Variants in EPHB4 observed in about 807,000 individuals in gnomAD.
The protein encoded by EPHB4 is ephrin type-B receptor 4.
Under a neutral mutation model 110.6 loss-of-function variants are expected in EPHB4, and 50 were observed. The ratio of observed to expected loss-of-function variants is 0.45; its 90% CI spans 0.36 to 0.57. The LOEUF (loss-of-function observed/expected upper bound fraction) is 0.57, where lower values mean the gene tolerates loss of function less well. Ranked by LOEUF, EPHB4 falls within the 20% of genes least tolerant of loss-of-function variation. The pLI is 0.00. For synonymous variants in EPHB4, 592 were observed against 578.4 expected (o/e 1.02, Z -0.34); for missense variants, 1,128 against 1,382.1 (o/e 0.82, Z 2.91).
chr7:100,826,343 C>G (rs1258095096), intron 1 of EPHB4, among the ~76,000 whole-genome samples: 1 of 152,136 alleles, frequency 6.6e-6, no homozygotes, highest in East Asian at 1.9e-4. Context: ...GCCCGGGACT[C>G]ACCTGGGGCC....
chr7:100,820,355 G>A, intron 4 of EPHB4, 59 bp from the exon 5 acceptor site: 1 of 1,554,350 alleles, frequency 6.4e-7, no homozygotes, highest in Non-Finnish European at 8.7e-7. Flanking sequence ...TGCACGGTGG[G>A]CTCGGTGGCT....
At chr7:100,815,588 G>C (rs1813047896) in intron 8 of EPHB4, among the ~76,000 whole-genome samples, 1 of 152,130 alleles carries the variant, frequency 6.6e-6, no homozygotes, top group Non-Finnish European at 1.5e-5. Flanking sequence ...ACAATTCTGT[G>C]AATGTATCAA....
chr7:100,809,534 CTTTT>C (rs1239776109), intron 12 of EPHB4, among the ~76,000 whole-genome samples: 2 of 152,002 alleles, frequency 1.3e-5, no homozygotes, highest in African/African-American at 4.8e-5. Context: ...ATCTCTCTCT[CTTTT>C]TAAGAGATGG....
rs1401261681 is a variant in EPHB4 at position 100,820,163 on chromosome 7, G to C, written c.942C>G (p.Asp314Glu). ...TACTGGTGCAGGGTGCACCCCGGGG[G>C]TCTGTGCGTGCCCGGAAGTACCCGA... is the stretch of plus-strand genomic sequence containing the variant. ...CRVGYFRART[D>E]PRGAPCTTPP... The change falls in exon 5 of 17, where the codon GAC (aspartate) becomes GAG (glutamate). Residue 314 changes from aspartate to glutamate, a missense_variant. Asp to Glu is a conservative substitution (Grantham distance 45, BLOSUM62 2). Around this residue, in one of 3 missense-constraint regions of EPHB4, gnomAD observed 728 missense variants for 828.6 expected, o/e 0.88. Coordinates refer to ENST00000358173, the MANE Select transcript of EPHB4 (RefSeq NM_004444.5). 6.2e-7 allele frequency: 1 copy of C among 1,614,002 alleles called. No homozygotes were observed. Among genetic ancestry groups the C allele is most frequent in the Admixed American group, 1.7e-5 (1 of 60,022 alleles).
At chr7:100,824,126 C>G (rs532436798) in intron 2 of EPHB4, 77 bp downstream of exon 2, 31 of 1,597,912 alleles carry the variant, frequency 1.9e-5, no homozygotes, top group Non-Finnish European at 2.6e-5. Context: ...GAGTGGCACA[C>G]AGAAAGCAGG....
chr7:100,821,614 CAA>C (rs1813234987), intron 4 of EPHB4, among the ~76,000 whole-genome samples: 1 of 147,916 alleles, frequency 6.8e-6, no homozygotes. Flanking sequence ...GGCGACAGAG[CAA>C]GACTCTGTCT....
intron 4 of EPHB4, 128 bp from the exon 5 acceptor site, chr7:100,820,424 G>T: frequency 8.6e-7 from 1 of 1,157,908 alleles, no homozygotes. Flanking sequence ...TGAGCCAAGG[G>T]GTTCAAGACC....
At position 100,813,081 on chromosome 7, in the gene EPHB4, C is replaced by G; in HGVS notation, c.1870+14G>C. 1 of 1,613,360 alleles carries G rather than the reference C, an allele frequency of 6.2e-7. No individual in the cohort carries two copies. Among genetic ancestry groups the G allele is most frequent in the East Asian group, 2.2e-5 (1 of 44,864 alleles). On this transcript the variant is annotated intron_variant, in intron 11 of 16. Transcript: ENST00000358173. ...GCTTCGTTCCCAGGTGCCCGGGCAG[C>G]CTTCGGCTCTCACCTGCACCAATCA...
At position 100,807,490 on chromosome 7, in the gene EPHB4, C is replaced by T; in HGVS notation, c.2209G>A (p.Val737Ile). Residue 737 changes from valine to isoleucine, a missense_variant, in exon 13 of 17, where the codon GTC becomes ATC. Around this residue, in one of 3 missense-constraint regions of EPHB4, gnomAD observed 191 missense variants for 313.0 expected, o/e 0.61. Transcript: ENST00000358173. Reference sequence around the variant, plus strand: ...TTGCGAGCAGCCAGGTCTCGGTGGACGTAGCTCATCTCGGCAAGGTACCGC... The same window carrying T: ...TTGCGAGCAGCCAGGTCTCGGTGGATGTAGCTCATCTCGGCAAGGTACCGC... ...GMRYLAEMSY[V>I]HRDLAARNIL... 1 of 1,614,048 alleles carries T rather than the reference C, an allele frequency of 6.2e-7. No homozygotes were observed. The highest frequency in any genetic ancestry group is 1.1e-5 in the South Asian group (1 of 91,062).
In EPHB4 at chr7:100,813,663, A is replaced by G. The variant is rs1813000218; in HGVS notation, c.1745T>C (p.Leu582Pro). 6.2e-7 allele frequency: 1 copy of G among 1,614,056 alleles called. No homozygotes were observed. The highest frequency in any genetic ancestry group is 8.5e-7 in the Non-Finnish European group (1 of 1,180,014). Residue 582 changes from leucine to proline, a missense_variant, in exon 10 of 17, where the codon CTC becomes CCC. This residue lies in a region of EPHB4 where 728 missense variants were observed against 828.6 expected (regional missense o/e 0.88). Coordinates refer to ENST00000358173, the MANE Select transcript of EPHB4 (RefSeq NM_004444.5). ...AEYSDKHGQYLIGHGTKVYID... is the reference protein window; with the variant it reads ...AEYSDKHGQYPIGHGTKVYID... The stretch of plus-strand genomic sequence containing the variant: ...TTAGGGCAACCCACCATGTCCGATG[A>G]GATACTGTCCGTGTTTGTCCGAATA...
In EPHB4 at chr7:100,819,597, G is replaced by A. The variant is rs369885905; in HGVS notation, c.1257C>T (p.Pro419=). The A allele has an allele frequency of 2.0e-4, 323 of 1,590,120 alleles. No individual in the cohort carries two copies. The highest frequency in any genetic ancestry group is 1.3e-3 in the Middle Eastern group (8 of 5,970). ...TGACATTGACAGGCTCAAATGGGACGGGCCCCGTGGCTAAGGAGGATACCC... is the reference window on the plus strand; with the variant it reads ...TGACATTGACAGGCTCAAATGGGACAGGCCCCGTGGCTAAGGAGGATACCC... The part of the protein sequence containing the change: ...LNGVSSLATG[P]VPFEPVNVTT... The change falls in exon 6 of 17, where the codon CCC becomes CCT. Residue 419 remains proline, a synonymous_variant. Transcript: ENST00000358173.
chr7:100,823,677 G>A lies in EPHB4; in HGVS notation c.378C>T (p.Leu126=), dbSNP rs145080354. The change falls in exon 3 of 17, where the codon CTC becomes CTT. Residue 126 remains leucine, a synonymous_variant. Transcript: ENST00000358173. ...YESDADTATA[L]TPAWMENPYI... is the part of the protein sequence containing the mutation. The stretch of plus-strand genomic sequence containing the variant: ...AGGGGTTCTCCATCCAGGCTGGCGT[G>A]AGGGCCGTGGCCGTGTCCGCATCGC... 467 of 1,613,226 alleles carry A rather than the reference G, an allele frequency of 2.9e-4. 1 individual carries two copies. The highest frequency in any genetic ancestry group is 3.7e-4 in the Non-Finnish European group (439 of 1,179,906).
At chr7:100,821,652 AGAGACGGGGTCTT>A (rs1271229034) in intron 4 of EPHB4, among the ~76,000 whole-genome samples, 2 of 149,870 alleles carry the variant, frequency 1.3e-5, no homozygotes, top group Non-Finnish European at 3.0e-5. Flanking sequence ...AATTTTTTTT[AGAGACGGGGTCTT>A]GCTCTGTCAC....
In EPHB4 at chr7:100,817,351, CG is replaced by C. The variant is rs1562970951; in HGVS notation, c.1428del (p.Glu477ArgfsTer9). ...AGGAACCGCACGCTGCTGGGACCCT[CG>C]GCGCCCTGTCCGGGAGAGGTAGTGG... ...DYEVKYHEKG[A>X]EGPSSVRFLK... On this transcript the variant is annotated frameshift_variant, in exon 8 of 17. Coordinates refer to ENST00000358173, the MANE Select transcript of EPHB4 (RefSeq NM_004444.5). LOFTEE classifies it high-confidence loss of function. 6.4e-7 allele frequency: 1 copy of C among 1,568,362 alleles called. No homozygotes were observed.
chr7:100,820,483 T>G, intron 4 of EPHB4, 187 bp from the exon 5 acceptor site: 3 of 452,346 alleles, frequency 6.6e-6, no homozygotes, highest in South Asian at 4.3e-5. Flanking sequence ...AAAAAAAAAA[T>G]TCCAGCTTCT....
chr7:100,810,521 C>T (rs768275181), intron 12 of EPHB4, among the ~76,000 whole-genome samples: 23 of 151,858 alleles, frequency 1.5e-4, no homozygotes, highest in African/African-American at 4.8e-4. Context: ...GAGGGAGGAT[C>T]GCTTGAGTCC....
rs751924698 is a variant in EPHB4, at chr7:100,805,669, T to C, written c.2510A>G (p.Tyr837Cys). 2.6e-6 allele frequency: 4 copies of C among 1,526,304 alleles called. No individual in the cohort carries two copies. Among genetic ancestry groups the C allele is most frequent in the African/African-American group, 1.4e-5 (1 of 71,562 alleles). 94.5% of individuals were successfully genotyped at this position (1,526,304 alleles called of 1,614,324 possible). A position where few individuals can be genotyped will look rare whatever the true frequency, so the allele number is the denominator to read the frequency against. The change falls in exon 15 of 17, where the codon TAC becomes TGC. Residue 837 changes from tyrosine to cysteine, a missense_variant. Tyr to Cys is a radical substitution (Grantham distance 194). Transcript: ENST00000358173. ...ACAGTCTGGGGGCGGGGGCAGCCGGTAGTCCTGTTCAATGGCATTGATCAC... is the reference window on the plus strand; with the variant it reads ...ACAGTCTGGGGGCGGGGGCAGCCGGCAGTCCTGTTCAATGGCATTGATCAC... The part of the protein sequence containing the change: ...QDVINAIEQD[Y>C]RLPPPPDCPT...
intron 4 of EPHB4, 70 bp from the exon 5 acceptor site, chr7:100,820,366 C>T: frequency 2.0e-6 from 3 of 1,524,322 alleles, no homozygotes; most frequent in Non-Finnish European, 1.8e-6. Flanking sequence ...CTCGGTGGCT[C>T]ATGCCTCGAA....
intron 14 of EPHB4, 86 bp downstream of exon 14, chr7:100,806,334 A>G (rs1812816693): frequency 6.7e-7 from 1 of 1,488,352 alleles, no homozygotes; most frequent in South Asian, 1.3e-5. Flanking sequence ...CCCAGCAGTG[A>G]TGACTCTCTG....
Sources: gnomAD v4.1 joint callset for allele counts (sites outside exome capture counted in the v4.1 genomes callset) on GRCh38, gnomAD v4.1.1 for gene constraint, gnomAD v4.1.1 regional missense constraint, MANE v1.5 for transcripts, NCBI Gene and HGNC (gene_info 2026-07-23, HGNC 2026-07-21) for gene names.